ZNF506: variants seen among roughly 807,000 people sequenced by gnomAD.
ZNF506 encodes the protein zinc finger protein 506.
A neutral mutation model predicts 11.6 loss-of-function variants in ZNF506; 10 were observed. That is an observed-to-expected ratio of 0.86 (90% confidence interval 0.53 to 1.46). The LOEUF is 1.46. ZNF506 is among the 40% of genes most tolerant of loss of function. The probability of loss-of-function intolerance (pLI) is 0.00; values close to 1 mark genes in which losing one functional copy is unlikely to be tolerated. For synonymous variants in ZNF506, 156 were observed against 173.3 expected (o/e 0.90, Z 0.78); for missense variants, 425 against 521.2 (o/e 0.82, Z 1.80).
At chr19:19,805,149 A>C (rs1408705421) in intron 3 of ZNF506, among the ~76,000 whole-genome samples, 1 of 152,228 alleles carries the variant, frequency 6.6e-6, no homozygotes, top group Non-Finnish European at 1.5e-5. Context: ...TTAAATTAGG[A>C]AAATATAAAA....
chr19:19,805,548 A>T lies in ZNF506; in HGVS notation c.226+483T>A, dbSNP rs531268237. On this transcript the variant is annotated intron_variant, in intron 3 of 3. Coordinates refer to ENST00000540806, the MANE Select transcript of ZNF506 (RefSeq NM_001099269.3). ...AACAAAGCAGAAGGATATCATACTT[A>T]AAATTTCAAACTATACATTTCAAGA... Among the ~76,000 whole-genome samples the T allele has an allele frequency of 9.0e-4, 137 of 152,342 alleles. 1 individual carries two copies. The highest frequency in any genetic ancestry group is 1.3e-3 in the Admixed American group (20 of 15,308).
At chr19:19,802,980 C>T (rs559869373) in intron 3 of ZNF506, among the ~76,000 whole-genome samples, 11 of 152,090 alleles carry the variant, frequency 7.2e-5, no homozygotes, top group Admixed American at 6.6e-4. Context: ...GACCAGTCTG[C>T]GTTATGTAGC....
chr19:19,803,150 G>C (rs2145184396), intron 3 of ZNF506, among the ~76,000 whole-genome samples: 1 of 152,320 alleles, frequency 6.6e-6, no homozygotes, highest in East Asian at 1.9e-4. Context: ...TACAGACCAG[G>C]ATAGGGTTCA....
intron 3 of ZNF506, among the ~76,000 whole-genome samples, chr19:19,804,792 A>G (rs1480765184): frequency 1.3e-5 from 2 of 152,200 alleles, no homozygotes; most frequent in Admixed American, 6.5e-5. Context: ...AGGGACATGG[A>G]TGAAGCTGGA....
intron 1 of ZNF506, among the ~76,000 whole-genome samples, chr19:19,821,060 C>G (rs1027612453): frequency 6.6e-6 from 1 of 152,144 alleles, no homozygotes. Flanking sequence ...CCATCACACA[C>G]AGCTAACTTT....
At chr19:19,797,091 A>AG (rs2062748385) in intron 3 of ZNF506, 1 of 152,204 alleles carries the variant, frequency 6.6e-6, no homozygotes, top group Non-Finnish European at 1.5e-5. Flanking sequence ...TGGCCCCATC[A>AG]AAAAAATTAT....
In ZNF506 at chr19:19,794,484, C is replaced by CA; in HGVS notation, c.*67dup. The CA allele has an allele frequency of 1.4e-6, 2 of 1,421,516 alleles. No individual in the cohort carries two copies. The highest frequency in any genetic ancestry group is 1.9e-6 in the Non-Finnish European group (2 of 1,049,072). The allele number at this position is 1,421,516 out of a possible 1,614,324, so 88.1% of individuals were successfully genotyped here. ...TTCCATATAAATTCTCATATTTAGT[C>CA]AGAGTCCAGGGCTAGTTAAAGGCTT... On this transcript the variant is annotated 3_prime_UTR_variant, in exon 4 of 4. Transcript: ENST00000540806.
At chr19:19,816,433 C>A (rs1028823560) in intron 1 of ZNF506, among the ~76,000 whole-genome samples, 5 of 152,188 alleles carry the variant, frequency 3.3e-5, no homozygotes, top group African/African-American at 1.2e-4. Context: ...TCTCAGCTCA[C>A]TGCAAGCTCC....
At chr19:19,815,010 C>A (rs1352833692) in intron 1 of ZNF506, among the ~76,000 whole-genome samples, 1 of 152,156 alleles carries the variant, frequency 6.6e-6, no homozygotes, top group South Asian at 2.1e-4. Flanking sequence ...GTAATCCCAG[C>A]ACTTTGGAAG....
rs144205234 is a variant in ZNF506 at position 19,817,189 on chromosome 19, A to G, written c.3+4412T>C. ...CTACCCTCAGTCTGAGTCAACATAC[A>G]ACCCCATTTTATGTCCCTCCTAAGA... On this transcript the variant is annotated intron_variant, in intron 1 of 3. Coordinates refer to ENST00000540806, the MANE Select transcript of ZNF506 (RefSeq NM_001099269.3). Among the ~76,000 whole-genome samples, 710 of 152,244 alleles carry G rather than the reference A, an allele frequency of 4.7e-3. 3 individuals are homozygous for G. The highest frequency in any genetic ancestry group is 0.017 in the Middle Eastern group (5 of 294).
intron 1 of ZNF506, among the ~76,000 whole-genome samples, chr19:19,817,128 A>G (rs1411283556): frequency 2.0e-5 from 3 of 152,054 alleles, no homozygotes; most frequent in Non-Finnish European, 2.9e-5. Flanking sequence ...ATCAAACTTA[A>G]GTTTATCTCC....
intron 1 of ZNF506, among the ~76,000 whole-genome samples, chr19:19,816,605 G>A (rs942937122): frequency 4.0e-5 from 6 of 151,890 alleles, no homozygotes; most frequent in Admixed American, 3.3e-4. Flanking sequence ...TGATTCACCC[G>A]CCTTGGCCTC....
chr19:19,809,438 T>C (rs10418155), intron 1 of ZNF506, among the ~76,000 whole-genome samples: 91,958 of 151,600 alleles, frequency 0.61, 30,238 homozygotes, highest in African/African-American at 0.86. Flanking sequence ...CTTCATCTGA[T>C]GCATGTTTAC....
At chr19:19,799,674 C>T (rs542463749) in intron 3 of ZNF506, among the ~76,000 whole-genome samples, 63 of 151,912 alleles carry the variant, frequency 4.1e-4, no homozygotes, top group Non-Finnish European at 7.2e-4. Context: ...TTTGGGAGGC[C>T]GAGGCGGGTG....
At chr19:19,812,888 C>T (rs1361689664) in intron 1 of ZNF506, among the ~76,000 whole-genome samples, 1 of 152,188 alleles carries the variant, frequency 6.6e-6, no homozygotes, top group African/African-American at 2.4e-5. Context: ...GAAACATGAA[C>T]ATTATGGAGA....
chr19:19,815,039 C>G (rs963779136), intron 1 of ZNF506, among the ~76,000 whole-genome samples: 2 of 152,144 alleles, frequency 1.3e-5, no homozygotes, highest in South Asian at 2.1e-4. Flanking sequence ...AGGAGGATCA[C>G]GAGGTCAGGA....
intron 1 of ZNF506, among the ~76,000 whole-genome samples, chr19:19,818,418 G>A (rs2062948659): frequency 6.6e-6 from 1 of 152,024 alleles, no homozygotes; most frequent in African/African-American, 2.4e-5. Flanking sequence ...ATTTTCCTGT[G>A]GAAACATTTT....
chr19:19,814,047 G>A lies in ZNF506; in HGVS notation c.4-6979C>T, dbSNP rs142376149. Among the ~76,000 whole-genome samples, 267 of 151,956 alleles carry A rather than the reference G, an allele frequency of 1.8e-3. 1 individual carries two copies. The highest frequency in any genetic ancestry group is 3.1e-3 in the Non-Finnish European group (212 of 67,954). On this transcript the variant is annotated intron_variant, in intron 1 of 3. Transcript: ENST00000540806. ...ATGGTACATCATGGAGTACTCTGTG[G>A]CCACTAAAAAAAAAGATCATGTCCT...
intron 1 of ZNF506, among the ~76,000 whole-genome samples, chr19:19,808,159 G>A (rs1163268266): frequency 9.5e-6 from 1 of 105,500 alleles, no homozygotes; most frequent in East Asian, 2.9e-4. Context: ...AGTCTCGCTA[G>A]GTCGCCCAGG....
Sources: allele counts gnomAD v4.1 joint callset (sites outside exome capture counted in the v4.1 genomes callset), GRCh38; gene constraint gnomAD v4.1.1; transcripts MANE v1.5; gene names NCBI Gene and HGNC (gene_info 2026-07-23, HGNC 2026-07-21).